Variants in CACNA1C observed in about 807,000 individuals in gnomAD.
The protein encoded by CACNA1C is voltage-dependent L-type calcium channel subunit alpha-1C.
A neutral mutation model predicts 229.0 loss-of-function variants in CACNA1C; 30 were observed. The ratio of observed to expected loss-of-function variants is 0.13; its 90% CI spans 0.10 to 0.18. The LOEUF (loss-of-function observed/expected upper bound fraction) is 0.18. Ranked by LOEUF, CACNA1C falls within the 10% of genes least tolerant of loss-of-function variation. The probability of loss-of-function intolerance (pLI) is 1.00; values close to 1 mark genes in which losing one functional copy is unlikely to be tolerated. For synonymous variants in CACNA1C, 1,114 were observed against 1,132.5 expected (o/e 0.98, Z 0.33); for missense variants, 1,658 against 2,845.0 (o/e 0.58, Z 9.49).
At chr12:2,576,208 T>A (rs1255746753) in intron 13 of CACNA1C, among the ~76,000 whole-genome samples, 1 of 152,042 alleles carries the variant, frequency 6.6e-6, no homozygotes, top group Non-Finnish European at 1.5e-5. Flanking sequence ...GTGGGTCAGA[T>A]GGGGGATGGG....
chr12:2,023,681 C>A (rs931631814), intron 1 of CACNA1C, among the ~76,000 whole-genome samples: 11 of 152,132 alleles, frequency 7.2e-5, no homozygotes, highest in Non-Finnish European at 1.0e-4. Context: ...TACTGTGCTT[C>A]TTGGATGTCT....
rs1015770177 is a variant in CACNA1C, at chr12:2,015,708, A to G, written c.139+44507A>G. On this transcript the variant is annotated intron_variant, in intron 1 of 46. Transcript: ENST00000682462. ...TGAAGTTGGGCCCTGGTCAGTCTCA[A>G]AGTGATTCAAACAGCAGGCAGAATG... Among the ~76,000 whole-genome samples, 53 of 152,178 alleles carry G rather than the reference A, an allele frequency of 3.5e-4. 1 individual carries two copies. Among genetic ancestry groups the G allele is most frequent in the African/African-American group, 1.3e-3 (53 of 41,444 alleles).
In CACNA1C at chr12:2,067,102, G is replaced by A. The variant is rs990399209; in HGVS notation, c.49+13491G>A. 2.0e-5 allele frequency among the ~76,000 whole-genome samples: 3 copies of A among 152,176 alleles called. No homozygotes were observed. Among genetic ancestry groups the A allele is most frequent in the African/African-American group, 7.2e-5 (3 of 41,446 alleles). On this transcript the variant is annotated intron_variant, in intron 1 of 46. Coordinates refer to ENST00000399655, the MANE Select transcript of CACNA1C (RefSeq NM_000719.7). The surrounding 1 kb of genome is among the most constrained non-coding windows in gnomAD (Gnocchi z 5.3). ...GAAAGCTTCCCCAGAAATGAATTTG[G>A]CAAAGTGAGACAGCTGCTGACTAGG...
intron 3 of CACNA1C, among the ~76,000 whole-genome samples, chr12:2,295,758 T>C (rs1439488456): frequency 6.6e-6 from 1 of 152,246 alleles, no homozygotes; most frequent in African/African-American, 2.4e-5. Context: ...ACTTCCATTT[T>C]GCAGGTAAGA....
Position 2,630,254 on chromosome 12 carries a change from T to A in CACNA1C, c.3829-4043T>A, listed in dbSNP as rs1390580775. 6.6e-6 allele frequency among the ~76,000 whole-genome samples: 1 copy of A among 152,178 alleles called. No individual in the cohort carries two copies. Among genetic ancestry groups the A allele is most frequent in the Non-Finnish European group, 1.5e-5 (1 of 68,034 alleles). On this transcript the variant is annotated intron_variant, in intron 29 of 46. Transcript: ENST00000399655. This position sits in a 1 kb window ranked among gnomAD's most constrained non-coding sequence, Gnocchi z 5.4. ...TCAGACTGATTTCGTAAGACGTGTA[T>A]GATTTTTTTCCCACCCTCCCTTCTC...
chr12:2,118,831 G>C (rs1284116766), intron 2 of CACNA1C, among the ~76,000 whole-genome samples: 1 of 152,184 alleles, frequency 6.6e-6, no homozygotes, highest in Non-Finnish European at 1.5e-5. Context: ...GTCTTGGACT[G>C]GCTGCTTTAC....
At chr12:2,183,209 G>A (rs2096892516) in intron 3 of CACNA1C, among the ~76,000 whole-genome samples, 1 of 151,094 alleles carries the variant, frequency 6.6e-6, no homozygotes, top group Admixed American at 6.6e-5. Context: ...AATTAAATGA[G>A]TTAATTTAGG....
In CACNA1C at chr12:2,457,560, C is replaced by A. The variant is rs2154564922; in HGVS notation, c.618-7C>A. 6.2e-7 allele frequency: 1 copy of A among 1,610,880 alleles called. No homozygotes were observed. On this transcript the variant is annotated splice_region_variant and splice_polypyrimidine_tract_variant and intron_variant, in intron 4 of 46. Transcript: ENST00000399655. ...CTGACAGTCCTTCTCTCTTTCCTCT[C>A]TTCTAGGCTTTTTAGTGCAATTTTA...
chr12:2,544,301 T>G (rs2099877158), intron 9 of CACNA1C, among the ~76,000 whole-genome samples: 1 of 152,200 alleles, frequency 6.6e-6, no homozygotes, highest in Non-Finnish European at 1.5e-5. Flanking sequence ...CCAGGCAACA[T>G]CCAAGGAAGT....
intron 9 of CACNA1C, 91 bp from the exon 10 acceptor site, chr12:2,549,852 C>A: frequency 1.1e-6 from 1 of 897,690 alleles, no homozygotes; most frequent in Non-Finnish European, 1.8e-6. Flanking sequence ...CGCACTGGGT[C>A]TTGCGGTGGG....
intron 3 of CACNA1C, 98 bp from the exon 4 acceptor site, chr12:2,448,878 A>G (rs2099326804): frequency 9.7e-7 from 1 of 1,029,950 alleles, no homozygotes; most frequent in African/African-American, 1.6e-5. Flanking sequence ...AGGGGGCAGC[A>G]TTATCTTCCA....
chr12:2,495,591 G>A (rs1293475320), intron 7 of CACNA1C, among the ~76,000 whole-genome samples: 1 of 152,252 alleles, frequency 6.6e-6, no homozygotes, highest in African/African-American at 2.4e-5. Context: ...TGACAGCCGG[G>A]GCGGGGAGCA....
chr12:2,402,875 A>G (rs1015368259), intron 3 of CACNA1C, among the ~76,000 whole-genome samples: 6 of 152,210 alleles, frequency 3.9e-5, no homozygotes, highest in African/African-American at 1.4e-4. Context: ...TTTAAGCCAT[A>G]TCAATTATAA....
At chr12:2,325,358 G>T (rs2096244582) in intron 3 of CACNA1C, among the ~76,000 whole-genome samples, 1 of 152,252 alleles carries the variant, frequency 6.6e-6, no homozygotes, top group Admixed American at 6.5e-5. Flanking sequence ...TTTACTAGGG[G>T]AGCACCTTGT....
chr12:2,493,264 G>T lies in CACNA1C; in HGVS notation c.991G>T (p.Val331Leu). Residue 331 changes from valine (V) to leucine (L), a missense_variant, in exon 7 of 47, where the codon GTG (valine) becomes TTG (leucine). Physicochemically the swap from Val to Leu is conservative, Grantham distance 32. Around this residue, in one of 20 missense-constraint regions of CACNA1C, gnomAD observed 84 missense variants for 202.6 expected, o/e 0.41. Coordinates refer to ENST00000399655, the MANE Select transcript of CACNA1C (RefSeq NM_000719.7). The surrounding 1 kb of genome is among the most constrained non-coding windows in gnomAD (Gnocchi z 4.6). ...CGGGCGGCAGTGCCAGAACGGCACG[G>T]TGTGCAAGCCCGGCTGGGATGGTCC... ...GHGRQCQNGT[V>L]CKPGWDGPKH... is the part of the protein sequence containing the mutation. 6.2e-7 allele frequency: 1 copy of T among 1,614,040 alleles called. No individual in the cohort carries two copies. Among genetic ancestry groups the T allele is most frequent in the Non-Finnish European group, 8.5e-7 (1 of 1,179,898 alleles).
intron 4 of CACNA1C, among the ~76,000 whole-genome samples, chr12:2,450,388 A>G (rs1463002119): frequency 2.6e-5 from 4 of 151,826 alleles, no homozygotes; most frequent in Non-Finnish European, 2.9e-5. Flanking sequence ...CCCCGTCTCT[A>G]CTAAAAATAC....
chr12:2,495,919 T>G (rs911061083), intron 7 of CACNA1C, among the ~76,000 whole-genome samples: 4 of 152,234 alleles, frequency 2.6e-5, no homozygotes, highest in Middle Eastern at 3.2e-3. Context: ...TTTCAATTTC[T>G]CTAATTGCTT....
intron 3 of CACNA1C, among the ~76,000 whole-genome samples, chr12:2,352,215 G>C (rs564654177): frequency 2.0e-5 from 3 of 152,152 alleles, no homozygotes; most frequent in Non-Finnish European, 4.4e-5. Context: ...CAGAGGCACC[G>C]ACTTGAAGAC....
At chr12:2,106,160 G>A (rs1277168730) in intron 1 of CACNA1C, among the ~76,000 whole-genome samples, 2 of 52,648 alleles carry the variant, frequency 3.8e-5, no homozygotes, top group Admixed American at 1.9e-4. Context: ...GCCACTGGGC[G>A]CCCACCCTGG....
Sources: allele counts gnomAD v4.1 joint callset (sites outside exome capture counted in the v4.1 genomes callset), GRCh38; gene constraint gnomAD v4.1.1; regional missense constraint gnomAD v4.1.1; non-coding constraint Gnocchi (gnomAD v3.1); transcripts MANE v1.5; gene names NCBI Gene and HGNC (gene_info 2026-07-23, HGNC 2026-07-21).